Variants in SDK2 observed in about 807,000 individuals in gnomAD.
The protein encoded by SDK2 is protein sidekick-2.
SDK2 carries 105 observed loss-of-function variants against 253.9 expected under a neutral mutation model. The ratio of observed to expected loss-of-function variants is 0.41; its 90% CI spans 0.35 to 0.49. The LOEUF (loss-of-function observed/expected upper bound fraction) is 0.49, where lower values mean the gene tolerates loss of function less well. Among genes scored for constraint, SDK2 ranks in the 20% least tolerant of loss-of-function variants. SDK2 has a pLI of 0.06. For synonymous variants in SDK2, 1,249 were observed against 1,234.9 expected, an observed-to-expected ratio of 1.01 and a Z score of -0.24; for missense variants, 2,608 against 3,003.0, an observed-to-expected ratio of 0.87 and a Z score of 3.07.
rs1160658953 is a variant in SDK2, at chr17:73,483,701, ATATATATTT to A, written c.225-11492_225-11484del. ...TATATATTTATATATATATATATATATATATATTTTTTTTTTTTTTTAGTAGAGTTGGGG... is the reference window on the plus strand; with the variant it reads ...TATATATTTATATATATATATATATATTTTTTTTTTTTAGTAGAGTTGGGG... On this transcript the variant is annotated intron_variant, in intron 2 of 44. Coordinates refer to ENST00000392650, the MANE Select transcript of SDK2 (RefSeq NM_001144952.2). 1.3e-3 allele frequency among the ~76,000 whole-genome samples: 84 copies of A among 63,090 alleles called. 1 individual carries two copies. The highest frequency in any genetic ancestry group is 4.4e-3 in the Admixed American group (21 of 4,778). The allele number at this position is 63,090 out of a possible 152,430, so 41.4% of individuals were successfully genotyped here. A position where few individuals can be genotyped will look rare whatever the true frequency, so the allele number is the denominator to read the frequency against.
intron 2 of SDK2, among the ~76,000 whole-genome samples, chr17:73,501,868 C>T (rs532264796): frequency 4.6e-5 from 7 of 152,316 alleles, no homozygotes; most frequent in South Asian, 4.1e-4. Flanking sequence ...GGCATTACTG[C>T]GCCTGATTCC....
chr17:73,614,640 G>C (rs1599727547), intron 1 of SDK2, among the ~76,000 whole-genome samples: 1 of 41,860 alleles, frequency 2.4e-5, no homozygotes, highest in Non-Finnish European at 4.3e-5. Context: ...ATTGAAAAGG[G>C]GGAGGGAGGG....
At chr17:73,523,722 C>T (rs532832886) in intron 1 of SDK2, among the ~76,000 whole-genome samples, 2 of 152,198 alleles carry the variant, frequency 1.3e-5, no homozygotes, top group African/African-American at 2.4e-5. Context: ...TTGCAGCCAC[C>T]CAGTTGAGGT....
intron 1 of SDK2, among the ~76,000 whole-genome samples, chr17:73,544,981 G>A (rs1361731057): frequency 8.4e-6 from 1 of 119,596 alleles, no homozygotes; most frequent in East Asian, 2.3e-4. Flanking sequence ...CCTTGTCAAG[G>A]CTCTTTCTTC....
intron 36 of SDK2, among the ~76,000 whole-genome samples, chr17:73,370,736 A>ATGGGGATTTCTTTTG (rs2062727426): frequency 6.6e-6 from 1 of 151,514 alleles, no homozygotes; most frequent in African/African-American, 2.4e-5. Context: ...TTTCGTAGAG[A>ATGGGGATTTCTTTTG]TGGGGATTTC....
intron 1 of SDK2, among the ~76,000 whole-genome samples, chr17:73,530,868 G>A (rs2064164438): frequency 6.6e-6 from 1 of 152,134 alleles, no homozygotes; most frequent in Non-Finnish European, 1.5e-5. Context: ...AGGAAAAGGG[G>A]ACCCCGTCTG....
rs990598374 is a variant in SDK2 at position 73,612,522 on chromosome 17, C to T, written c.64+31503G>A. Among the ~76,000 whole-genome samples the T allele has an allele frequency of 1.4e-4, 21 of 152,282 alleles. No individual in the cohort carries two copies. The South Asian group carries it at 3.3e-3, about 24-fold the overall frequency. On this transcript the variant is annotated intron_variant, in intron 1 of 44. Coordinates refer to ENST00000392650, the MANE Select transcript of SDK2 (RefSeq NM_001144952.2). This position sits in a 1 kb window ranked among gnomAD's most constrained non-coding sequence, Gnocchi z 4.4. ...GGAAGGGAGTTCTGCAGCCGACAAG[C>T]CCAGGGTGGCAGCCTGAGGGTCCCG...
At chr17:73,412,087 T>G (rs1452395092) in intron 18 of SDK2, among the ~76,000 whole-genome samples, 3 of 87,598 alleles carry the variant, frequency 3.4e-5, no homozygotes, top group East Asian at 2.5e-4. Flanking sequence ...TGTATATGTA[T>G]ATATACGTAT....
At chr17:73,406,410 ATTT>A (rs879724791) in intron 18 of SDK2, among the ~76,000 whole-genome samples, 1 of 147,732 alleles carries the variant, frequency 6.8e-6, no homozygotes, top group Non-Finnish European at 1.5e-5. Context: ...CGCCCAGCTA[ATTT>A]TTTTTTTTGT....
chr17:73,483,679 A>T lies in SDK2; in HGVS notation c.225-11461T>A, dbSNP rs200080048. Among the ~76,000 whole-genome samples the T allele has an allele frequency of 1.8e-3, 95 of 52,894 alleles. 6 individuals are homozygous for T. The East Asian group carries it at 0.018, about 10-fold the overall frequency. 34.7% of individuals were successfully genotyped at this position (52,894 alleles called of 152,430 possible). On this transcript the variant is annotated intron_variant, in intron 2 of 44. Coordinates refer to ENST00000392650, the MANE Select transcript of SDK2 (RefSeq NM_001144952.2). ...TGTGTGTGTATATATATATATATAT[A>T]TATTTATATATATATATATATATAT... is the stretch of plus-strand genomic sequence containing the variant.
At chr17:73,626,416 G>C (rs1424604567) in intron 1 of SDK2, among the ~76,000 whole-genome samples, 1 of 152,246 alleles carries the variant, frequency 6.6e-6, no homozygotes, top group African/African-American at 2.4e-5. Flanking sequence ...ATGCCAGCCT[G>C]TCCCAGGGGC....
intron 30 of SDK2, 102 bp downstream of exon 30, chr17:73,387,734 G>A: frequency 1.9e-6 from 2 of 1,077,480 alleles, no homozygotes; most frequent in South Asian, 3.2e-5. Context: ...GCTGGGGGCA[G>A]GCTGGAGGTG....
intron 10 of SDK2, among the ~76,000 whole-genome samples, chr17:73,433,229 G>T (rs1321711980): frequency 6.6e-6 from 1 of 152,112 alleles, no homozygotes; most frequent in Non-Finnish European, 1.5e-5. Flanking sequence ...AGGGTGGCAG[G>T]TCTTGGAAGA....
intron 42 of SDK2, 84 bp downstream of exon 42, chr17:73,350,566 G>A (rs2062528053): frequency 6.8e-7 from 1 of 1,479,798 alleles, no homozygotes; most frequent in East Asian, 2.3e-5. Flanking sequence ...AGCCAGGAGA[G>A]GGACCTGATC....
intron 1 of SDK2, among the ~76,000 whole-genome samples, chr17:73,559,771 C>T (rs916272445): frequency 3.3e-5 from 5 of 152,148 alleles, no homozygotes; most frequent in African/African-American, 7.2e-5. Context: ...GACAAGTGCC[C>T]CTAATGCCTG....
chr17:73,444,572 C>T (rs970302488), intron 5 of SDK2, among the ~76,000 whole-genome samples: 8 of 152,236 alleles, frequency 5.3e-5, no homozygotes, highest in African/African-American at 1.4e-4. Flanking sequence ...GGACATCTAA[C>T]GTGATCCATC....
intron 6 of SDK2, among the ~76,000 whole-genome samples, chr17:73,439,175 A>G (rs114511750): frequency 0.052 from 7,883 of 152,192 alleles, 363 homozygotes; most frequent in African/African-American, 0.12. Context: ...CTCTCTTGCC[A>G]TAAGACACGC....
intron 1 of SDK2, among the ~76,000 whole-genome samples, chr17:73,583,344 C>T (rs2045561103): frequency 6.6e-6 from 1 of 152,214 alleles, no homozygotes; most frequent in African/African-American, 2.4e-5. Context: ...CTCCTGTAGA[C>T]TCTAACCTCC....
At position 73,398,180 on chromosome 17, in the gene SDK2, C is replaced by T. The variant is rs1200266176; in HGVS notation, c.3209G>A (p.Arg1070His). Residue 1070 changes from arginine to histidine, a missense_variant, in exon 24 of 45, where the codon CGC (arginine) becomes CAC (histidine). By Grantham distance (29) the Arg-to-His change is conservative. Around this residue, in one of 2 missense-constraint regions of SDK2, gnomAD observed 1,505 missense variants for 1,859.1 expected, o/e 0.81. Coordinates refer to ENST00000392650, the MANE Select transcript of SDK2 (RefSeq NM_001144952.2). ...GCCCACGATGTTCACCTGGCGCATG[C>T]GGAAGCTGGGGTTGGGGAGAGATGA... ...DLNPFTCYSF[R>H]MRQVNIVGTS... 4.3e-6 allele frequency: 7 copies of T among 1,611,408 alleles called. No homozygotes were observed. The highest frequency in any genetic ancestry group is 1.7e-5 in the Admixed American group (1 of 59,812).
Sources: gnomAD v4.1 joint callset for allele counts (sites outside exome capture counted in the v4.1 genomes callset) on GRCh38, gnomAD v4.1.1 for gene constraint, gnomAD v4.1.1 regional missense constraint, Gnocchi (gnomAD v3.1) non-coding constraint, MANE v1.5 for transcripts, NCBI Gene and HGNC (gene_info 2026-07-23, HGNC 2026-07-21) for gene names.